DOCK6: variants seen among roughly 807,000 people sequenced by gnomAD.
DOCK6 encodes the protein dedicator of cytokinesis protein 6.
In DOCK6, 167 loss-of-function variants were observed where a neutral mutation model predicts 230.3. The ratio of observed to expected loss-of-function variants is 0.73; its 90% CI spans 0.64 to 0.82. The LOEUF is 0.82. Among genes scored for constraint, DOCK6 ranks in the 40% least tolerant of loss-of-function variants. DOCK6 has a pLI of 0.00. For synonymous variants in DOCK6, 1,148 were observed against 1,185.0 expected (o/e 0.97, Z 0.64); for missense variants, 2,598 against 2,825.8 (o/e 0.92, Z 1.83).
intron 18 of DOCK6, 175 bp downstream of exon 18, chr19:11,237,281 G>A (rs1395652885): frequency 1.6e-5 from 11 of 676,932 alleles, no homozygotes; most frequent in Non-Finnish European, 2.5e-5. Flanking sequence ...GAATCTTTGG[G>A]GAGGACATGT....
At position 11,253,816 on chromosome 19, in the gene DOCK6, G is replaced by A; in HGVS notation, c.45-90C>T. 7 of 973,348 alleles carry A rather than the reference G, an allele frequency of 7.2e-6. No homozygotes were observed. In the South Asian group the frequency reaches 8.4e-5, roughly 12 times the overall value. The allele number at this position is 973,348 out of a possible 1,614,324, so 60.3% of individuals were successfully genotyped here. On this transcript the variant is annotated intron_variant, in intron 1 of 47. Transcript: ENST00000294618. ...TTCTATGAGGAAAATCCAGATTGTG[G>A]AACGAAATAAATAGGCCGAGGGCCA...
intron 1 of DOCK6, among the ~76,000 whole-genome samples, chr19:11,261,907 G>A (rs999581879): frequency 1.3e-5 from 2 of 152,100 alleles, no homozygotes; most frequent in Non-Finnish European, 1.5e-5. Flanking sequence ...TCCTCGAGGG[G>A]TTTCAAACGC....
At position 11,259,834 on chromosome 19, in the gene DOCK6, C is replaced by T. The variant is rs147289498; in HGVS notation, c.44+2563G>A. On this transcript the variant is annotated intron_variant, in intron 1 of 47. Transcript: ENST00000294618. Reference sequence around the variant, plus strand: ...CTGACCTCAGGTGATCCACCTGCCTCGGCCTCCCAAAGTCTGGGATTACAG... The same window carrying T: ...CTGACCTCAGGTGATCCACCTGCCTTGGCCTCCCAAAGTCTGGGATTACAG... 2.7e-3 allele frequency among the ~76,000 whole-genome samples: 403 copies of T among 149,820 alleles called. 3 individuals carry two copies. Among genetic ancestry groups the T allele is most frequent in the African/African-American group, 9.5e-3 (389 of 40,962 alleles).
At position 11,215,920 on chromosome 19, in the gene DOCK6, T is replaced by C. The variant is rs1332848884; in HGVS notation, c.3902A>G (p.Lys1301Arg). ...GAGGCTGTTGATGCGTTCAAAGGCC[T>C]TTTTCCCCTGGGGGTGCAGAGAACT... The part of the protein sequence containing the change: ...CLAAFEYKGK[K>R]AFERINSLTF... The change falls in exon 31 of 48, where the codon AAG (lysine) becomes AGG (arginine). Residue 1301 changes from lysine to arginine, a missense_variant. By Grantham distance (26) the Lys-to-Arg change is conservative. Coordinates refer to ENST00000294618, the MANE Select transcript of DOCK6 (RefSeq NM_020812.4). The C allele has an allele frequency of 1.2e-6, 2 of 1,610,740 alleles. No homozygotes were observed. The highest frequency in any genetic ancestry group is 1.7e-6 in the Non-Finnish European group (2 of 1,177,830).
chr19:11,256,590 G>C (rs1363887818), intron 1 of DOCK6, among the ~76,000 whole-genome samples: 1 of 152,202 alleles, frequency 6.6e-6, no homozygotes, highest in Non-Finnish European at 1.5e-5. Context: ...TGCTCAATTA[G>C]GGCTTGCTGC....
At position 11,223,111 on chromosome 19, in the gene DOCK6, G is replaced by T. The variant is rs3810309; in HGVS notation, c.2956-5C>A. The T allele has an allele frequency of 2.5e-6, 4 of 1,611,246 alleles. No individual in the cohort carries two copies. The highest frequency in any genetic ancestry group is 3.4e-6 in the Non-Finnish European group (4 of 1,178,514). ...GTGCTCGGCCAGCTCCACATCCTGG[G>T]GACACAGGTGCCTGTCAACCCACAC... On this transcript the variant is annotated splice_polypyrimidine_tract_variant and splice_region_variant and intron_variant, in intron 24 of 47. Transcript: ENST00000294618.
chr19:11,211,585 CTGTCTGCTCA>C (rs2147742383), intron 37 of DOCK6, among the ~76,000 whole-genome samples, 181 bp downstream of exon 37: 2 of 28,148 alleles, frequency 7.1e-5, no homozygotes, highest in African/African-American at 2.1e-4. Context: ...GTCTGCTCAG[CTGTCTGCTCA>C]CCTGTCCCCC....
rs1276222721 is a variant in DOCK6, at chr19:11,249,895, T to A, written c.720+979A>T. Reference sequence around the variant, plus strand: ...CCTGGGCGACAAGAGCGAGACTCCATCTCAAAAAAAAAAAAAAAAAAAAAG... The same window carrying A: ...CCTGGGCGACAAGAGCGAGACTCCAACTCAAAAAAAAAAAAAAAAAAAAAG... On this transcript the variant is annotated intron_variant, in intron 6 of 47. Transcript: ENST00000294618. Among the ~76,000 whole-genome samples the A allele has an allele frequency of 1.2e-4, 6 of 48,082 alleles. No individual in the cohort carries two copies. The South Asian group carries it at 4.0e-3, about 32-fold the overall frequency. The allele number at this position is 48,082 out of a possible 152,430, so 31.5% of individuals were successfully genotyped here.
chr19:11,228,161 C>G (rs2079700684), intron 23 of DOCK6, among the ~76,000 whole-genome samples: 1 of 152,072 alleles, frequency 6.6e-6, no homozygotes, highest in Admixed American at 6.6e-5. Flanking sequence ...CAGGCACGCA[C>G]TACTACGCCC....
chr19:11,214,419 AG>A lies in DOCK6; in HGVS notation c.4204-11del, dbSNP rs763014188. 6.2e-7 allele frequency: 1 copy of A among 1,613,652 alleles called. No homozygotes were observed. The highest frequency in any genetic ancestry group is 2.2e-5 in the East Asian group (1 of 44,874). ...CTGAAAGCATCACCGTCTGGAGGGAAGGGGGTCAGAAATCCAGGTGTTAGAG... is the reference window on the plus strand; with the variant it reads ...CTGAAAGCATCACCGTCTGGAGGGAAGGGGTCAGAAATCCAGGTGTTAGAG... On this transcript the variant is annotated splice_polypyrimidine_tract_variant and intron_variant, in intron 33 of 47. Transcript: ENST00000294618.
rs771696387 is a variant in DOCK6, at chr19:11,200,673, G to A, written c.5939+43C>T. The A allele has an allele frequency of 4.5e-6, 7 of 1,559,202 alleles. No homozygotes were observed. In the South Asian group the frequency reaches 4.6e-5, roughly 10 times the overall value. On this transcript the variant is annotated intron_variant, in intron 46 of 47. Coordinates refer to ENST00000294618, the MANE Select transcript of DOCK6 (RefSeq NM_020812.4). The surrounding 1 kb of genome is among the most constrained non-coding windows in gnomAD (Gnocchi z 4.3). ...ATGGGCAGAGAGCAGGCCTATGCAG[G>A]TTAGGCAGACACGAGACCCCTCCTG... is the stretch of plus-strand genomic sequence containing the variant.
rs2079844933 is a variant in DOCK6 at position 11,236,211 on chromosome 19, A to T, written c.2392+135T>A. ...GTCACAGAAGACCTTCTCTGGGTGC[A>T]GGGGACTGGAGGTCATTTTTCAGAT... On this transcript the variant is annotated intron_variant, in intron 20 of 47. Transcript: ENST00000294618. The surrounding 1 kb of genome is among the most constrained non-coding windows in gnomAD (Gnocchi z 5.2). 2.4e-6 allele frequency: 2 copies of T among 849,540 alleles called. No individual in the cohort carries two copies. The highest frequency in any genetic ancestry group is 3.6e-6 in the Non-Finnish European group (2 of 559,560). The allele number at this position is 849,540 out of a possible 1,614,324, so 52.6% of individuals were successfully genotyped here. A position where few individuals can be genotyped will look rare whatever the true frequency, so the allele number is the denominator to read the frequency against.
At chr19:11,224,182 G>A (rs1475022425) in intron 24 of DOCK6, among the ~76,000 whole-genome samples, 1 of 138,598 alleles carries the variant, frequency 7.2e-6, no homozygotes, top group Non-Finnish European at 1.5e-5. Context: ...GGCAAAAACT[G>A]TAATTACTTT....
At position 11,202,081 on chromosome 19, in the gene DOCK6, G is replaced by C; in HGVS notation, c.5496C>G (p.Tyr1832Ter). The C allele has an allele frequency of 6.2e-7, 1 of 1,614,054 alleles. No individual in the cohort carries two copies. Among genetic ancestry groups the C allele is most frequent in the Non-Finnish European group, 8.5e-7 (1 of 1,179,902 alleles). ...ITYVEPYFDTYELKDRVTYFD... is the reference protein window; with the variant it reads ...ITYVEPYFDT ...AGTAGGTCACCCGGTCCTTGAGCTC[G>C]TAGGTATCAAAGTACGGTTCCACAT... The change falls in exon 44 of 48, where the codon TAC (tyrosine) becomes TAG (stop). Residue 1832 changes from tyrosine to a stop codon, truncating the protein, a stop_gained. Coordinates refer to ENST00000294618, the MANE Select transcript of DOCK6 (RefSeq NM_020812.4). LOFTEE classifies it high-confidence loss of function. This position sits in a 1 kb window ranked among gnomAD's most constrained non-coding sequence, Gnocchi z 5.3.
In DOCK6 at chr19:11,245,785, G is replaced by C. The variant is rs368902539; in HGVS notation, c.873+27C>G. On this transcript the variant is annotated intron_variant, in intron 8 of 47. Coordinates refer to ENST00000294618, the MANE Select transcript of DOCK6 (RefSeq NM_020812.4). The stretch of plus-strand genomic sequence containing the variant: ...GCCCCCCAACAAGGAGAAGGAAGGG[G>C]AGGAAAGAGAAAAAAGGGCCTCCTA... 12 of 1,592,482 alleles carry C rather than the reference G, an allele frequency of 7.5e-6. No individual in the cohort carries two copies. In the African/African-American group the frequency reaches 1.6e-4, roughly 21 times the overall value.
At position 11,236,610 on chromosome 19, in the gene DOCK6, C is replaced by T. The variant is rs1300042310; in HGVS notation, c.2161-33G>A. Reference sequence around the variant, plus strand: ...GGGATGTGGAGTGAGCAGGGTGGGGCCTCAGGGAATGAAGACCACCCCTGC... The same window carrying T: ...GGGATGTGGAGTGAGCAGGGTGGGGTCTCAGGGAATGAAGACCACCCCTGC... On this transcript the variant is annotated intron_variant, in intron 19 of 47. Transcript: ENST00000294618. The surrounding 1 kb of genome is among the most constrained non-coding windows in gnomAD (Gnocchi z 5.2). 2.6e-6 allele frequency: 4 copies of T among 1,541,200 alleles called. No homozygotes were observed. In the East Asian group the frequency reaches 7.3e-5, roughly 28 times the overall value.
rs753547603 is a variant in DOCK6 at position 11,237,728 on chromosome 19, T to C, written c.1884A>G (p.Thr628=). The change falls in exon 17 of 48, where the codon ACA becomes ACG. Residue 628 remains threonine, a synonymous_variant. Coordinates refer to ENST00000294618, the MANE Select transcript of DOCK6 (RefSeq NM_020812.4). The part of the protein sequence containing the change: ...EFKLHLPACV[T]ENHHLLFTFY... The stretch of plus-strand genomic sequence containing the variant: ...AGGTGAACAGCAGGTGATGGTTCTC[T>C]GTCACGCAGGCTGGAAGATGCAGCT... 9 of 1,582,418 alleles carry C rather than the reference T, an allele frequency of 5.7e-6. No homozygotes were observed. The highest frequency in any genetic ancestry group is 7.7e-6 in the Non-Finnish European group (9 of 1,164,874).
rs753763577 is a variant in DOCK6 at position 11,228,948 on chromosome 19, GGAA to G, written c.2803_2805del (p.Phe935del). ...GGAGGAGGGGGTCTCACCATGAGCT[GGAA>G]GAAGAACCAGGCGTGCTGGAGGATG... On this transcript the variant is annotated inframe_deletion, in exon 23 of 48. Coordinates refer to ENST00000294618, the MANE Select transcript of DOCK6 (RefSeq NM_020812.4). 4 of 1,613,518 alleles carry G rather than the reference GGAA, an allele frequency of 2.5e-6. No individual in the cohort carries two copies. Among genetic ancestry groups the G allele is most frequent in the Non-Finnish European group, 2.5e-6 (3 of 1,179,750 alleles).
At chr19:11,232,836 G>A (rs571746988) in intron 22 of DOCK6, among the ~76,000 whole-genome samples, 132 of 151,834 alleles carry the variant, frequency 8.7e-4, no homozygotes, top group African/African-American at 3.1e-3. Flanking sequence ...TATGCATGGG[G>A]TGAATGTGTA....
Sources: gnomAD v4.1 joint callset for allele counts (sites outside exome capture counted in the v4.1 genomes callset) on GRCh38, gnomAD v4.1.1 for gene constraint, Gnocchi (gnomAD v3.1) non-coding constraint, MANE v1.5 for transcripts, NCBI Gene and HGNC (gene_info 2026-07-23, HGNC 2026-07-21) for gene names.